CRYBG1: variants seen among roughly 807,000 people sequenced by gnomAD.
CRYBG1 encodes the protein beta/gamma crystallin domain-containing protein 1.
In CRYBG1, 139 loss-of-function variants were observed where a neutral mutation model predicts 189.2. The observed-to-expected ratio is 0.73, with a 90% CI of 0.64 to 0.85. The LOEUF (loss-of-function observed/expected upper bound fraction) is 0.85, where lower values mean the gene tolerates loss of function less well. Among genes scored for constraint, CRYBG1 ranks in the 40% least tolerant of loss-of-function variants. CRYBG1 has a pLI of 0.00. For synonymous variants in CRYBG1, 1,023 were observed against 1,017.1 expected (o/e 1.01, Z -0.11); for missense variants, 2,611 against 2,675.8 (o/e 0.98, Z 0.53).
At chr6:106,565,693 T>C (rs569575188) in intron 21 of CRYBG1, among the ~76,000 whole-genome samples, 2 of 152,262 alleles carry the variant, frequency 1.3e-5, no homozygotes, top group East Asian at 3.9e-4. Flanking sequence ...ATAAATGCAA[T>C]ATTCAGAAAC....
rs545940266 is a variant in CRYBG1 at position 106,447,685 on chromosome 6, G to T, written c.174-4009G>T. Among the ~76,000 whole-genome samples the T allele has an allele frequency of 4.6e-5, 7 of 151,982 alleles. No homozygotes were observed. In the South Asian group the frequency reaches 6.2e-4, roughly 14 times the overall value. ...TTTCCTGTTGCAAACATTTATTAAGGTTGGCTTTTAGGCTAGGGAGACTTA... is the reference window on the plus strand; with the variant it reads ...TTTCCTGTTGCAAACATTTATTAAGTTTGGCTTTTAGGCTAGGGAGACTTA... On this transcript the variant is annotated intron_variant, in intron 1 of 21. Coordinates refer to ENST00000633556, the MANE Select transcript of CRYBG1 (RefSeq NM_001371242.2).
intron 11 of CRYBG1, among the ~76,000 whole-genome samples, chr6:106,543,960 G>C (rs968472589): frequency 1.1e-4 from 17 of 152,210 alleles, no homozygotes; most frequent in African/African-American, 4.1e-4. Flanking sequence ...GCTGAGGCAG[G>C]AGAATCGCTT....
At chr6:106,552,447 G>A (rs192149100) in intron 15 of CRYBG1, 8 of 229,504 alleles carry the variant, frequency 3.5e-5, no homozygotes, top group Admixed American at 1.7e-4. Context: ...TTAGCTGGGT[G>A]TGGTGGCTTG....
intron 2 of CRYBG1, among the ~76,000 whole-genome samples, chr6:106,454,071 C>G (rs546431903): frequency 6.6e-6 from 1 of 152,314 alleles, no homozygotes; most frequent in African/African-American, 2.4e-5. Flanking sequence ...GGCTCAAAAT[C>G]TCTACAACAG....
intron 2 of CRYBG1, among the ~76,000 whole-genome samples, chr6:106,460,281 G>A (rs984605521): frequency 1.3e-5 from 2 of 151,900 alleles, no homozygotes; most frequent in Non-Finnish European, 2.9e-5. Context: ...GTGAGCCACC[G>A]CGCCCAGCCA....
At chr6:106,416,812 A>T (rs1771027838) in intron 1 of CRYBG1, among the ~76,000 whole-genome samples, 1 of 152,184 alleles carries the variant, frequency 6.6e-6, no homozygotes, top group South Asian at 2.1e-4. Flanking sequence ...TACTTTTTAA[A>T]AAGAACAGTG....
chr6:106,433,906 C>G (rs2114409371), intron 1 of CRYBG1, among the ~76,000 whole-genome samples: 1 of 151,578 alleles, frequency 6.6e-6, no homozygotes, highest in South Asian at 2.1e-4. Flanking sequence ...TGTCTTGAAA[C>G]AACAAACATT....
At chr6:106,394,231 T>C (rs1395191557) in intron 1 of CRYBG1, among the ~76,000 whole-genome samples, 1 of 152,206 alleles carries the variant, frequency 6.6e-6, no homozygotes, top group Non-Finnish European at 1.5e-5. Flanking sequence ...TTTATCCTTG[T>C]CCTCTTTACC....
intron 2 of CRYBG1, among the ~76,000 whole-genome samples, chr6:106,494,955 A>G (rs1582795321): frequency 6.6e-6 from 1 of 152,186 alleles, no homozygotes; most frequent in Non-Finnish European, 1.5e-5. Flanking sequence ...AAGGTACCAT[A>G]TATCCTTCTT....
At chr6:106,504,112 G>T (rs949540854) in intron 2 of CRYBG1, among the ~76,000 whole-genome samples, 1 of 149,410 alleles carries the variant, frequency 6.7e-6, no homozygotes, top group Non-Finnish European at 1.5e-5. Flanking sequence ...ACAGAAAAAA[G>T]ATTTTTTTAA....
At chr6:106,449,658 T>C (rs961218277) in intron 1 of CRYBG1, among the ~76,000 whole-genome samples, 4 of 152,356 alleles carry the variant, frequency 2.6e-5, no homozygotes, top group South Asian at 2.1e-4. Flanking sequence ...ATTTCAACTT[T>C]AAGGTATTTT....
intron 2 of CRYBG1, among the ~76,000 whole-genome samples, chr6:106,481,131 G>A (rs1464892433): frequency 9.5e-6 from 1 of 104,958 alleles, no homozygotes; most frequent in Non-Finnish European, 1.8e-5. Context: ...CCGCCACCAC[G>A]CCCGGCTAAT....
chr6:106,421,806 T>A (rs1407572450), intron 1 of CRYBG1, among the ~76,000 whole-genome samples: 1 of 152,128 alleles, frequency 6.6e-6, no homozygotes, highest in Non-Finnish European at 1.5e-5. Context: ...GAACTCACAG[T>A]TCCACTTGGC....
chr6:106,463,837 T>C (rs1007665883), intron 2 of CRYBG1, among the ~76,000 whole-genome samples: 17 of 152,240 alleles, frequency 1.1e-4, no homozygotes, highest in African/African-American at 4.1e-4. Context: ...ATGACTCTTT[T>C]AGAAGCTTTA....
At chr6:106,541,767 A>C in intron 10 of CRYBG1, 146 bp downstream of exon 10, 1 of 658,910 alleles carries the variant, frequency 1.5e-6, no homozygotes, top group Non-Finnish European at 2.5e-6. Flanking sequence ...GTCACACATA[A>C]ATGCAGCCAA....
intron 2 of CRYBG1, among the ~76,000 whole-genome samples, chr6:106,497,678 A>G (rs541407914): frequency 3.3e-5 from 5 of 152,382 alleles, no homozygotes; most frequent in South Asian, 2.1e-4. Flanking sequence ...CCCACCAGCT[A>G]TGTGTGACCG....
At chr6:106,438,781 G>A (rs1771515178) in intron 1 of CRYBG1, among the ~76,000 whole-genome samples, 1 of 152,208 alleles carries the variant, frequency 6.6e-6, no homozygotes, top group African/African-American at 2.4e-5. Context: ...AATGATTCAT[G>A]TAATGGTTTG....
chr6:106,550,602 T>C (rs948903395), intron 13 of CRYBG1, among the ~76,000 whole-genome samples: 2 of 133,422 alleles, frequency 1.5e-5, no homozygotes, highest in African/African-American at 5.2e-5. Flanking sequence ...CTCAATTTTG[T>C]TTATTTAATT....
rs565703641 is a variant in CRYBG1, at chr6:106,443,260, A to G, written c.174-8434A>G. 2.6e-5 allele frequency among the ~76,000 whole-genome samples: 4 copies of G among 152,348 alleles called. No homozygotes were observed. In the East Asian group the frequency reaches 7.7e-4, roughly 29 times the overall value. ...CAATTGACAATGCAAATAAATACAGATCAGAACACTAAAAGAATGATAGTG... is the reference window on the plus strand; with the variant it reads ...CAATTGACAATGCAAATAAATACAGGTCAGAACACTAAAAGAATGATAGTG... On this transcript the variant is annotated intron_variant, in intron 1 of 21. Coordinates refer to ENST00000633556, the MANE Select transcript of CRYBG1 (RefSeq NM_001371242.2).
Sources: gnomAD v4.1 joint callset for allele counts (sites outside exome capture counted in the v4.1 genomes callset) on GRCh38, gnomAD v4.1.1 for gene constraint, MANE v1.5 for transcripts, NCBI Gene and HGNC (gene_info 2026-07-23, HGNC 2026-07-21) for gene names.